IMMP2L: variants seen among roughly 807,000 people sequenced by gnomAD.
IMMP2L encodes the protein mitochondrial inner membrane protease subunit 2.
IMMP2L carries 18 observed loss-of-function variants against 19.3 expected under a neutral mutation model. The observed-to-expected ratio is 0.93, with a 90% confidence interval of 0.64 to 1.38. The LOEUF is 1.38. Among genes scored for constraint, IMMP2L ranks in the 40% most tolerant of loss-of-function variants. IMMP2L has a pLI of 0.00. For missense variants in IMMP2L, 233 were observed against 218.2 expected (o/e 1.07, Z -0.43); for synonymous variants, 76 against 73.0 (o/e 1.04, Z -0.21).
chr7:111,071,499 C>T (rs1462854977), intron 3 of IMMP2L, among the ~76,000 whole-genome samples: 2 of 151,974 alleles, frequency 1.3e-5, no homozygotes, highest in Middle Eastern at 3.4e-3. Context: ...AAATATCTGT[C>T]GATGGATAAA....
In IMMP2L at chr7:111,544,990, G is replaced by T. The variant is rs113317876; in HGVS notation, c.-3+16861C>A. Reference sequence around the variant, plus strand: ...AAACCCCAATCCTCTCTCTTACATTGAGAGAAGCAGAATAAGACAACATCA... The same window carrying T: ...AAACCCCAATCCTCTCTCTTACATTTAGAGAAGCAGAATAAGACAACATCA... On this transcript the variant is annotated intron_variant, in intron 1 of 5. Transcript: ENST00000405709. 1.5e-3 allele frequency among the ~76,000 whole-genome samples: 227 copies of T among 152,136 alleles called. 2 individuals carry two copies. In the Middle Eastern group the frequency reaches 0.017, roughly 11 times the overall value.
chr7:111,148,925 T>C (rs973443117), intron 3 of IMMP2L, among the ~76,000 whole-genome samples: 2 of 152,092 alleles, frequency 1.3e-5, no homozygotes, highest in Admixed American at 6.6e-5. Flanking sequence ...GGGACTATCA[T>C]TAACCATAGG....
At chr7:111,222,276 G>C (rs141532833) in intron 3 of IMMP2L, among the ~76,000 whole-genome samples, 15 of 151,812 alleles carry the variant, frequency 9.9e-5, no homozygotes, top group Non-Finnish European at 1.5e-4. Context: ...TATAACACAA[G>C]AGTAAGAAAA....
intron 3 of IMMP2L, among the ~76,000 whole-genome samples, chr7:111,370,313 C>G (rs750667372): frequency 4.6e-5 from 7 of 151,912 alleles, no homozygotes; most frequent in Non-Finnish European, 8.8e-5. Context: ...TAACATGAAT[C>G]TACACCTTAT....
intron 3 of IMMP2L, among the ~76,000 whole-genome samples, chr7:110,964,754 T>C (rs971986707): frequency 6.6e-6 from 1 of 151,970 alleles, no homozygotes; most frequent in Non-Finnish European, 1.5e-5. Context: ...TCCCTCTTTC[T>C]CTCCTTCTCT....
At chr7:110,664,927 G>A (rs1215254835) in intron 5 of IMMP2L, 2 of 151,960 alleles carry the variant, frequency 1.3e-5, no homozygotes, top group African/African-American at 4.8e-5. Context: ...CATGAATTCA[G>A]GAAATCTCTT....
chr7:111,223,086 T>G (rs1472379015), intron 3 of IMMP2L, among the ~76,000 whole-genome samples: 1 of 151,932 alleles, frequency 6.6e-6, no homozygotes, highest in East Asian at 1.9e-4. Context: ...ATACCAAATT[T>G]TATACACTAT....
intron 3 of IMMP2L, among the ~76,000 whole-genome samples, chr7:111,171,778 C>G (rs1034073551): frequency 6.6e-6 from 1 of 151,240 alleles, no homozygotes; most frequent in African/African-American, 2.4e-5. Flanking sequence ...TACTCTGCTG[C>G]TTAAAAAAAT....
At chr7:110,977,880 C>T (rs184128045) in intron 3 of IMMP2L, among the ~76,000 whole-genome samples, 4 of 152,028 alleles carry the variant, frequency 2.6e-5, no homozygotes, top group East Asian at 1.9e-4. Context: ...CTGTTAAATT[C>T]GTAGCTAAAT....
intron 3 of IMMP2L, among the ~76,000 whole-genome samples, chr7:111,026,085 T>C (rs1299555602): frequency 6.6e-6 from 1 of 152,152 alleles, no homozygotes; most frequent in African/African-American, 2.4e-5. Flanking sequence ...GTGTCATTGT[T>C]ATCAAACTCT....
intron 1 of IMMP2L, among the ~76,000 whole-genome samples, chr7:111,546,744 AATT>A (rs1848966073): frequency 6.6e-6 from 1 of 152,148 alleles, no homozygotes; most frequent in African/African-American, 2.4e-5. Context: ...TTGATTCAAA[AATT>A]ATTTAGTGAG....
At chr7:111,029,553 G>A (rs1024196340) in intron 3 of IMMP2L, among the ~76,000 whole-genome samples, 3 of 152,074 alleles carry the variant, frequency 2.0e-5, no homozygotes, top group Non-Finnish European at 4.4e-5. Flanking sequence ...AAGATCCAAA[G>A]GTTTTCACTG....
intron 3 of IMMP2L, among the ~76,000 whole-genome samples, chr7:111,026,687 A>T (rs1826861027): frequency 6.6e-6 from 1 of 152,178 alleles, no homozygotes; most frequent in Non-Finnish European, 1.5e-5. Flanking sequence ...TCAAGTAAAT[A>T]AAAGAAATGG....
chr7:111,256,656 C>G (rs1193927270), intron 3 of IMMP2L, among the ~76,000 whole-genome samples: 1 of 151,970 alleles, frequency 6.6e-6, no homozygotes. Flanking sequence ...GAGAAAAGTT[C>G]TTTTAAATCG....
chr7:111,166,767 C>A (rs1278627698), intron 3 of IMMP2L, among the ~76,000 whole-genome samples: 1 of 151,980 alleles, frequency 6.6e-6, no homozygotes, highest in African/African-American at 2.4e-5. Context: ...TGGTTCCAGT[C>A]ATTCCATGGT....
chr7:110,807,306 C>T (rs1382651102), intron 5 of IMMP2L, among the ~76,000 whole-genome samples: 1 of 151,942 alleles, frequency 6.6e-6, no homozygotes, highest in Admixed American at 6.6e-5. Flanking sequence ...CATTCTTATT[C>T]TCAACCCAGG....
At position 111,314,110 on chromosome 7, in the gene IMMP2L, G is replaced by A. The variant is rs577075287; in HGVS notation, c.239+173128C>T. 2.6e-5 allele frequency among the ~76,000 whole-genome samples: 4 copies of A among 151,972 alleles called. 1 individual carries two copies. The South Asian group carries it at 6.2e-4, about 24-fold the overall frequency. On this transcript the variant is annotated intron_variant, in intron 3 of 5. Coordinates refer to ENST00000405709, the MANE Select transcript of IMMP2L (RefSeq NM_032549.4). ...TGCTATGCTTCCTGTACATCCTGAA[G>A]AACTGAGCCAATTAAACCTCTCATC...
chr7:110,700,265 T>C (rs773794546), intron 5 of IMMP2L, among the ~76,000 whole-genome samples: 3 of 152,102 alleles, frequency 2.0e-5, no homozygotes, highest in Non-Finnish European at 2.9e-5. Context: ...CTGGGACCCA[T>C]TGCCCCAGTG....
In IMMP2L at chr7:110,757,582, C is replaced by T. The variant is rs990925449; in HGVS notation, c.409-93861G>A. Among the ~76,000 whole-genome samples, 3 of 151,986 alleles carry T rather than the reference C, an allele frequency of 2.0e-5. No individual in the cohort carries two copies. The highest frequency in any genetic ancestry group is 4.4e-5 in the Non-Finnish European group (3 of 68,010). On this transcript the variant is annotated intron_variant, in intron 5 of 5. Coordinates refer to ENST00000405709, the MANE Select transcript of IMMP2L (RefSeq NM_032549.4). This position sits in a 1 kb window ranked among gnomAD's most constrained non-coding sequence, Gnocchi z 4.2. ...GGATCCCCAGTTGAAGTTCAAAGGT[C>T]ACTGCTTTTCTCAAGGGAGGCCTGT...
Sources: allele counts gnomAD v4.1 joint callset (sites outside exome capture counted in the v4.1 genomes callset), GRCh38; gene constraint gnomAD v4.1.1; non-coding constraint Gnocchi (gnomAD v3.1); transcripts MANE v1.5; gene names NCBI Gene and HGNC (gene_info 2026-07-23, HGNC 2026-07-21).